NLGN1: variants seen among roughly 807,000 people sequenced by gnomAD.
The protein encoded by NLGN1 is neuroligin-1.
In NLGN1, 12 loss-of-function variants were observed where a neutral mutation model predicts 65.5. The observed-to-expected ratio is 0.18, with a 90% CI of 0.12 to 0.30. The LOEUF is 0.30. NLGN1 is among the 10% of genes least tolerant of loss of function. NLGN1 has a pLI of 1.00. For synonymous variants in NLGN1, 350 were observed against 359.5 expected, an observed-to-expected ratio of 0.97 and a Z score of 0.30; for missense variants, 750 against 1,007.1, an observed-to-expected ratio of 0.74 and a Z score of 3.46.
intron 2 of NLGN1, among the ~76,000 whole-genome samples, chr3:173,539,575 T>C (rs1256680984): frequency 2.8e-5 from 4 of 141,404 alleles, no homozygotes; most frequent in Admixed American, 1.4e-4. Flanking sequence ...ATAACATATA[T>C]GTTATGTTAT....
chr3:174,267,952 AT>A (rs1321683649), intron 4 of NLGN1, among the ~76,000 whole-genome samples: 1 of 152,170 alleles, frequency 6.6e-6, no homozygotes, highest in Admixed American at 6.6e-5. Flanking sequence ...ATAGTTTACA[AT>A]GGGAACACTT....
At chr3:173,958,682 C>A (rs1489421664) in intron 4 of NLGN1, among the ~76,000 whole-genome samples, 1 of 152,170 alleles carries the variant, frequency 6.6e-6, no homozygotes, top group Admixed American at 6.5e-5. Flanking sequence ...CCCCAAGATT[C>A]AGGCCTTCCC....
intron 4 of NLGN1, among the ~76,000 whole-genome samples, chr3:174,225,786 G>T (rs998643079): frequency 1.3e-5 from 2 of 151,960 alleles, no homozygotes; most frequent in African/African-American, 4.8e-5. Flanking sequence ...TAAGGGGGAG[G>T]AAAAATATTA....
At chr3:173,544,259 C>CGTGTGTGTATGTGT (rs1553880849) in intron 2 of NLGN1, among the ~76,000 whole-genome samples, 2 of 144,146 alleles carry the variant, frequency 1.4e-5, no homozygotes, top group African/African-American at 5.2e-5. Flanking sequence ...GATTATATTA[C>CGTGTGTGTATGTGT]GTGTGTGTGT....
chr3:173,687,184 G>A (rs1764814399), intron 3 of NLGN1, among the ~76,000 whole-genome samples: 1 of 152,260 alleles, frequency 6.6e-6, no homozygotes, highest in Non-Finnish European at 1.5e-5. Flanking sequence ...TTGTAGAACC[G>A]AGTTGGATTC....
chr3:173,698,620 G>A (rs757832178), intron 3 of NLGN1, among the ~76,000 whole-genome samples: 69 of 151,974 alleles, frequency 4.5e-4, no homozygotes, highest in Non-Finnish European at 8.7e-4. Flanking sequence ...AAAAAAATTG[G>A]TTTTCAAAGA....
intron 4 of NLGN1, among the ~76,000 whole-genome samples, chr3:174,068,776 A>C (rs1739209244): frequency 6.6e-6 from 1 of 152,172 alleles, no homozygotes; most frequent in Admixed American, 6.6e-5. Context: ...TTCATTTTTT[A>C]AACTTTTAAT....
chr3:173,856,579 A>G (rs534560996), intron 4 of NLGN1, among the ~76,000 whole-genome samples: 240 of 152,234 alleles, frequency 1.6e-3, no homozygotes, highest in African/African-American at 5.4e-3. Flanking sequence ...GTCCAGCAAA[A>G]GCATCAGGGG....
intron 4 of NLGN1, among the ~76,000 whole-genome samples, chr3:174,088,893 A>G (rs1395277270): frequency 6.6e-6 from 1 of 152,074 alleles, no homozygotes. Flanking sequence ...AATTCATCAC[A>G]CCAAGTGTTG....
chr3:173,650,277 T>C (rs1257740572), intron 3 of NLGN1, among the ~76,000 whole-genome samples: 1 of 152,172 alleles, frequency 6.6e-6, no homozygotes, highest in African/African-American at 2.4e-5. Context: ...CAGTTTTCAC[T>C]ATTTTGCCTT....
At chr3:174,153,166 G>T (rs987062679) in intron 4 of NLGN1, among the ~76,000 whole-genome samples, 4 of 152,006 alleles carry the variant, frequency 2.6e-5, no homozygotes, top group Non-Finnish European at 5.9e-5. Context: ...TCTTGAAGAG[G>T]CTTAGCTATA....
In NLGN1 at chr3:173,845,606, G is replaced by GGATAGGTA. The variant is rs147688296; in HGVS notation, c.646+37779_646+37780insGTAGATAG. ...TGGATAGACAGATAGGTAGGTGGAT[G>GGATAGGTA]GATAGATAGATAGATAGATAGATAG... On this transcript the variant is annotated intron_variant, in intron 4 of 6. Transcript: ENST00000457714. 4.8e-3 allele frequency among the ~76,000 whole-genome samples: 705 copies of GGATAGGTA among 147,044 alleles called. 1 individual carries two copies. Among genetic ancestry groups the GGATAGGTA allele is most frequent in the South Asian group, 0.015 (70 of 4,556 alleles).
chr3:174,219,836 T>A (rs548307206), intron 4 of NLGN1, among the ~76,000 whole-genome samples: 27 of 152,108 alleles, frequency 1.8e-4, no homozygotes, highest in Admixed American at 2.6e-4. Context: ...TCAAGTAAAA[T>A]AGGAAACAGA....
chr3:173,903,046 A>T (rs1434046862), intron 4 of NLGN1, among the ~76,000 whole-genome samples: 2 of 152,276 alleles, frequency 1.3e-5, no homozygotes, highest in East Asian at 3.9e-4. Flanking sequence ...TTCTATGCAG[A>T]TGAATAGCAC....
At chr3:173,881,859 T>G (rs1733398565) in intron 4 of NLGN1, among the ~76,000 whole-genome samples, 1 of 152,160 alleles carries the variant, frequency 6.6e-6, no homozygotes. Flanking sequence ...ATCACAGATG[T>G]TTTAATGGCA....
chr3:173,845,620 ATAG>A (rs1403920864), intron 4 of NLGN1, among the ~76,000 whole-genome samples: 2 of 151,982 alleles, frequency 1.3e-5, no homozygotes, highest in East Asian at 2.0e-4. Context: ...AGATAGATAG[ATAG>A]ATAGATAGAT....
At chr3:173,800,484 C>G in intron 3 of NLGN1, 1 of 215,160 alleles carries the variant, frequency 4.6e-6, no homozygotes. Context: ...GTTTTGTCTT[C>G]TTGCTTGTTG....
intron 4 of NLGN1, among the ~76,000 whole-genome samples, chr3:173,846,919 T>G (rs2150712615): frequency 6.6e-6 from 1 of 152,352 alleles, no homozygotes; most frequent in African/African-American, 2.4e-5. Flanking sequence ...TGTTTATATC[T>G]AAATAAATCA....
chr3:174,138,263 A>G (rs1363213148), intron 4 of NLGN1, among the ~76,000 whole-genome samples: 1 of 152,154 alleles, frequency 6.6e-6, no homozygotes, highest in African/African-American at 2.4e-5. Flanking sequence ...TCTCTTGGTA[A>G]GTCAATTCAA....
Sources: gnomAD v4.1 joint callset for allele counts (sites outside exome capture counted in the v4.1 genomes callset) on GRCh38, gnomAD v4.1.1 for gene constraint, MANE v1.5 for transcripts, NCBI Gene and HGNC (gene_info 2026-07-23, HGNC 2026-07-21) for gene names.